The following FAF1 variants were observed in gnomAD, a reference collection of about 807,000 sequenced individuals.
The protein encoded by FAF1 is Fas associated factor 1.
FAF1 carries 25 observed loss-of-function variants against 92.5 expected under a neutral mutation model. The observed-to-expected ratio is 0.27, with a 90% CI of 0.20 to 0.38. FAF1 has a LOEUF of 0.38. FAF1 is among the 10% of genes least tolerant of loss of function. The probability of loss-of-function intolerance (pLI) is 1.00; values close to 1 mark genes in which losing one functional copy is unlikely to be tolerated. For synonymous variants in FAF1, 234 were observed against 273.2 expected (o/e 0.86, Z 1.42); for missense variants, 636 against 793.3 (o/e 0.80, Z 2.38).
At chr1:50,540,578 G>T (rs1471932317) in intron 13 of FAF1, among the ~76,000 whole-genome samples, 1 of 152,114 alleles carries the variant, frequency 6.6e-6, no homozygotes, top group African/African-American at 2.4e-5. Flanking sequence ...GCATACTGAA[G>T]TCTAGCATTA....
At chr1:50,576,520 A>G (rs1283364528) in intron 12 of FAF1, among the ~76,000 whole-genome samples, 1 of 152,120 alleles carries the variant, frequency 6.6e-6, no homozygotes, top group African/African-American at 2.4e-5. Flanking sequence ...AGTTACTATA[A>G]ATGTCTAATG....
chr1:50,929,901 T>C (rs1200987299), intron 1 of FAF1, among the ~76,000 whole-genome samples: 2 of 152,234 alleles, frequency 1.3e-5, no homozygotes, highest in African/African-American at 2.4e-5. Context: ...TGTAACGCTA[T>C]ACAAATTGTC....
In FAF1 at chr1:50,952,743, G is replaced by A. The variant is rs566951918; in HGVS notation, c.45+7024C>T. Among the ~76,000 whole-genome samples the A allele has an allele frequency of 4.6e-5, 7 of 150,766 alleles. No homozygotes were observed. The South Asian group carries it at 1.0e-3, about 23-fold the overall frequency. On this transcript the variant is annotated intron_variant, in intron 1 of 18. Transcript: ENST00000396153. Reference sequence around the variant, plus strand: ...CCACCCCGTCTGGGAACTGAGGAGCGTCTCTGCCCGACCGCCACCCCGTCT... The same window carrying A: ...CCACCCCGTCTGGGAACTGAGGAGCATCTCTGCCCGACCGCCACCCCGTCT...
chr1:50,948,367 T>A (rs868329045), intron 1 of FAF1, among the ~76,000 whole-genome samples: 1 of 152,140 alleles, frequency 6.6e-6, no homozygotes, highest in African/African-American at 2.4e-5. Flanking sequence ...GGTGCCAGCA[T>A]CCGCTAGCTT....
chr1:50,511,839 G>T (rs1482442710), intron 15 of FAF1, among the ~76,000 whole-genome samples: 1 of 152,112 alleles, frequency 6.6e-6, no homozygotes, highest in South Asian at 2.1e-4. Context: ...CACAATGGTT[G>T]AACTAATTTA....
intron 12 of FAF1, among the ~76,000 whole-genome samples, chr1:50,570,774 T>C (rs184991603): frequency 5.3e-5 from 8 of 152,360 alleles, no homozygotes; most frequent in African/African-American, 1.9e-4. Flanking sequence ...ATTTAGGCTA[T>C]ATAAATCTGA....
intron 6 of FAF1, among the ~76,000 whole-genome samples, chr1:50,733,275 T>C (rs1359348234): frequency 6.6e-6 from 1 of 152,218 alleles, no homozygotes; most frequent in Non-Finnish European, 1.5e-5. Flanking sequence ...TTGGAATCTG[T>C]CATCAACCAT....
chr1:50,648,402 A>G (rs1432027385), intron 8 of FAF1, among the ~76,000 whole-genome samples: 2 of 152,242 alleles, frequency 1.3e-5, no homozygotes, highest in African/African-American at 2.4e-5. Context: ...AAATAGTAAG[A>G]TAAGTATTTA....
At chr1:50,604,735 A>G (rs1652298666) in intron 8 of FAF1, among the ~76,000 whole-genome samples, 1 of 152,100 alleles carries the variant, frequency 6.6e-6, no homozygotes, top group African/African-American at 2.4e-5. Flanking sequence ...GAGTCTCATC[A>G]TGTTGCCCAG....
At chr1:50,460,550 T>A (rs78885842) in intron 18 of FAF1, among the ~76,000 whole-genome samples, 38,276 of 152,082 alleles carry the variant, frequency 0.25, 5,323 homozygotes, top group Middle Eastern at 0.43. Context: ...CAACAGTATA[T>A]ATTAATGTGT....
chr1:50,594,673 C>T (rs577335330), intron 9 of FAF1, among the ~76,000 whole-genome samples: 40 of 151,660 alleles, frequency 2.6e-4, no homozygotes, highest in Middle Eastern at 3.4e-3. Flanking sequence ...GAGTTCGAGA[C>T]CAGCCTGGCC....
At chr1:50,588,636 T>G (rs1240574131) in intron 9 of FAF1, among the ~76,000 whole-genome samples, 2 of 152,142 alleles carry the variant, frequency 1.3e-5, no homozygotes, top group African/African-American at 4.8e-5. Flanking sequence ...GGGGGGACAC[T>G]GAGTCTTGTC....
intron 14 of FAF1, among the ~76,000 whole-genome samples, 164 bp downstream of exon 14, chr1:50,539,428 T>C (rs2149040014): frequency 6.6e-6 from 1 of 152,348 alleles, no homozygotes; most frequent in Non-Finnish European, 1.5e-5. Flanking sequence ...ATGCAGCATA[T>C]TATTTTTTAT....
At chr1:50,479,141 T>G (rs1198116466) in intron 17 of FAF1, among the ~76,000 whole-genome samples, 1 of 152,198 alleles carries the variant, frequency 6.6e-6, no homozygotes, top group Non-Finnish European at 1.5e-5. Context: ...ATTAGGCAAA[T>G]GACAGTCTTT....
intron 7 of FAF1, among the ~76,000 whole-genome samples, chr1:50,677,076 TA>T (rs1221112008): frequency 6.6e-6 from 1 of 152,158 alleles, no homozygotes; most frequent in Non-Finnish European, 1.5e-5. Context: ...TATAATTGAA[TA>T]AATACTAAAG....
Position 50,576,653 on chromosome 1 carries a change from C to A in FAF1, c.1113+5965G>T, listed in dbSNP as rs545147850. ...GCACCGCCCCCCCCCCGCCACCACC[C>A]CTGCACCAAGATATGATCTTGTTCT... On this transcript the variant is annotated intron_variant, in intron 12 of 18. Transcript: ENST00000396153. Among the ~76,000 whole-genome samples the A allele has an allele frequency of 3.6e-4, 55 of 151,196 alleles. No individual in the cohort carries two copies. The South Asian group carries it at 0.012, about 32-fold the overall frequency.
rs137862727 is a variant in FAF1 at position 50,648,729 on chromosome 1, C to T, written c.744+6713G>A. Among the ~76,000 whole-genome samples, 1,512 of 152,188 alleles carry T rather than the reference C, an allele frequency of 9.9e-3. 24 individuals are homozygous for T. The highest frequency in any genetic ancestry group is 0.035 in the African/African-American group (1,434 of 41,534). On this transcript the variant is annotated intron_variant, in intron 8 of 18. Transcript: ENST00000396153. ...ATCACCTGAGGTAGGAAGTTCAAGA[C>T]CAGCCTGACCAACATGGAGAAGCCC...
At chr1:50,574,828 C>G (rs1251603181) in intron 12 of FAF1, among the ~76,000 whole-genome samples, 1 of 147,848 alleles carries the variant, frequency 6.8e-6, no homozygotes, top group Non-Finnish European at 1.5e-5. Context: ...GTCTGACAAA[C>G]AGGTTTCTAA....
chr1:50,449,193 A>T (rs1446963502), intron 18 of FAF1, among the ~76,000 whole-genome samples: 1 of 152,208 alleles, frequency 6.6e-6, no homozygotes, highest in African/African-American at 2.4e-5. Context: ...CACATATATT[A>T]TCTAAACGTT....
Sources: gnomAD v4.1 joint callset for allele counts (sites outside exome capture counted in the v4.1 genomes callset) on GRCh38, gnomAD v4.1.1 for gene constraint, MANE v1.5 for transcripts, NCBI Gene and HGNC (gene_info 2026-07-23, HGNC 2026-07-21) for gene names.